The following ERBB4 variants were observed in gnomAD, a reference collection of about 807,000 sequenced individuals.
ERBB4 encodes the protein erb-b2 receptor tyrosine kinase 4.
ERBB4 carries 42 observed loss-of-function variants against 158.0 expected under a neutral mutation model. That is an observed-to-expected ratio of 0.27 (90% CI 0.21 to 0.34). The LOEUF is 0.34. ERBB4 is among the 10% of genes least tolerant of loss of function. ERBB4 has a pLI of 1.00. For synonymous variants in ERBB4, 583 were observed against 558.7 expected (o/e 1.04, Z -0.61); for missense variants, 1,333 against 1,624.1 (o/e 0.82, Z 3.08).
chr2:211,387,470 AT>A lies in ERBB4; in HGVS notation c.3184-321del, dbSNP rs1163075797. On this transcript the variant is annotated intron_variant, in intron 26 of 27. Coordinates refer to ENST00000342788, the MANE Select transcript of ERBB4 (RefSeq NM_005235.3). ...ATATTTAATACAAATTTCAAAGTGA[AT>A]TTTTATGATAAATGCAAGTGTCATT... 5.3e-5 allele frequency among the ~76,000 whole-genome samples: 8 copies of A among 152,196 alleles called. No homozygotes were observed. The South Asian group carries it at 6.2e-4, about 12-fold the overall frequency.
intron 20 of ERBB4, among the ~76,000 whole-genome samples, chr2:211,431,846 T>C (rs566474052): frequency 6.6e-6 from 1 of 152,254 alleles, no homozygotes; most frequent in Non-Finnish European, 1.5e-5. Flanking sequence ...GCAAGAGACA[T>C]AGCTGGCTCT....
chr2:211,987,412 T>C (rs2125245306), intron 2 of ERBB4, among the ~76,000 whole-genome samples: 1 of 151,780 alleles, frequency 6.6e-6, no homozygotes, highest in East Asian at 1.9e-4. Flanking sequence ...AATGTTTCAG[T>C]AAATAAATTG....
At chr2:212,520,419 T>C (rs1014530005) in intron 1 of ERBB4, among the ~76,000 whole-genome samples, 2 of 151,888 alleles carry the variant, frequency 1.3e-5, no homozygotes, top group Admixed American at 6.6e-5. Flanking sequence ...CATAAAAATT[T>C]CGGTAATTCA....
At chr2:212,249,562 CA>C (rs2084450955) in intron 1 of ERBB4, among the ~76,000 whole-genome samples, 1 of 151,682 alleles carries the variant, frequency 6.6e-6, no homozygotes, top group East Asian at 1.9e-4. Context: ...GACGACATTG[CA>C]AGGGAGAAAA....
intron 3 of ERBB4, among the ~76,000 whole-genome samples, chr2:211,940,258 C>T (rs531949628): frequency 2.0e-5 from 3 of 151,966 alleles, no homozygotes; most frequent in Admixed American, 6.6e-5. Flanking sequence ...TTCCTCAGAG[C>T]AAAACGATGG....
chr2:211,879,749 C>T (rs1292713742), intron 3 of ERBB4, among the ~76,000 whole-genome samples: 1 of 151,878 alleles, frequency 6.6e-6, no homozygotes, highest in African/African-American at 2.4e-5. Flanking sequence ...AAATGTACAT[C>T]AGAGAGTTTG....
intron 3 of ERBB4, among the ~76,000 whole-genome samples, chr2:211,808,040 G>T (rs1490349650): frequency 2.0e-5 from 3 of 152,064 alleles, no homozygotes; most frequent in African/African-American, 7.2e-5. Context: ...TTGTCAGATG[G>T]ATAGATTGTA....
chr2:212,237,539 G>A (rs774660634), intron 1 of ERBB4, among the ~76,000 whole-genome samples: 2 of 152,166 alleles, frequency 1.3e-5, no homozygotes, highest in African/African-American at 2.4e-5. Context: ...ATGTGTCCCA[G>A]TCTGGAGGCA....
At chr2:211,985,628 G>A (rs1182335371) in intron 2 of ERBB4, among the ~76,000 whole-genome samples, 1 of 151,960 alleles carries the variant, frequency 6.6e-6, no homozygotes, top group South Asian at 2.1e-4. Context: ...CATAAAACTA[G>A]TGTCTCTTAT....
At chr2:211,946,134 G>A (rs180983569) in intron 3 of ERBB4, among the ~76,000 whole-genome samples, 21 of 152,054 alleles carry the variant, frequency 1.4e-4, no homozygotes, top group African/African-American at 5.1e-4. Flanking sequence ...TGAAAATGTT[G>A]ATGAAGGAAT....
At chr2:211,656,832 T>C (rs1226872980) in intron 16 of ERBB4, among the ~76,000 whole-genome samples, 1 of 152,224 alleles carries the variant, frequency 6.6e-6, no homozygotes, top group Non-Finnish European at 1.5e-5. Context: ...TATTGCTCAG[T>C]AGTGTTACAA....
intron 2 of ERBB4, among the ~76,000 whole-genome samples, chr2:212,020,953 A>C (rs2076635671): frequency 6.6e-6 from 1 of 152,160 alleles, no homozygotes; most frequent in African/African-American, 2.4e-5. Context: ...ATATGTCTAC[A>C]TAAAAAGGTA....
chr2:211,458,304 G>A (rs1248338614), intron 20 of ERBB4, among the ~76,000 whole-genome samples: 1 of 150,212 alleles, frequency 6.7e-6, no homozygotes, highest in Non-Finnish European at 1.5e-5. Context: ...GTCTTGCTCT[G>A]TCACCAGGCT....
intron 3 of ERBB4, among the ~76,000 whole-genome samples, chr2:211,801,595 CACAA>C (rs1027386077): frequency 2.0e-5 from 3 of 151,878 alleles, no homozygotes; most frequent in Non-Finnish European, 2.9e-5. Context: ...TTTATTCTAG[CACAA>C]ACAAAAGGAT....
Position 212,385,724 on chromosome 2 carries a change from C to T in ERBB4, c.82+152725G>A, listed in dbSNP as rs189739125. The stretch of plus-strand genomic sequence containing the variant: ...GTTTTGTTTTGCTTTTTTCAAAAAA[C>T]CTATAATATTCATATAAACTTCAAG... On this transcript the variant is annotated intron_variant, in intron 1 of 27. Transcript: ENST00000342788. Among the ~76,000 whole-genome samples the T allele has an allele frequency of 2.6e-5, 4 of 151,516 alleles. No homozygotes were observed. The East Asian group carries it at 7.8e-4, about 29-fold the overall frequency.
intron 3 of ERBB4, among the ~76,000 whole-genome samples, chr2:211,809,025 G>A (rs1214794290): frequency 6.6e-6 from 1 of 152,136 alleles, no homozygotes; most frequent in African/African-American, 2.4e-5. Context: ...AGGAGATTTT[G>A]GGCTTAGATG....
At chr2:212,052,742 G>A (rs953433966) in intron 2 of ERBB4, among the ~76,000 whole-genome samples, 3 of 152,138 alleles carry the variant, frequency 2.0e-5, no homozygotes, top group African/African-American at 4.8e-5. Flanking sequence ...CATCCAGAGA[G>A]TGAGATGTCA....
intron 20 of ERBB4, among the ~76,000 whole-genome samples, chr2:211,455,282 T>C (rs1227195858): frequency 1.3e-5 from 2 of 152,244 alleles, no homozygotes; most frequent in African/African-American, 4.8e-5. Context: ...TAATTATGAT[T>C]TCCTACTAGC....
chr2:211,670,577 T>C (rs2071802067), intron 14 of ERBB4, among the ~76,000 whole-genome samples: 1 of 152,118 alleles, frequency 6.6e-6, no homozygotes, highest in African/African-American at 2.4e-5. Flanking sequence ...AGAAAAAGCA[T>C]GGAACTGATA....
Sources: gnomAD v4.1 joint callset for allele counts (sites outside exome capture counted in the v4.1 genomes callset) on GRCh38, gnomAD v4.1.1 for gene constraint, MANE v1.5 for transcripts, NCBI Gene and HGNC (gene_info 2026-07-23, HGNC 2026-07-21) for gene names.